The following HOPX variants were observed in gnomAD, a reference collection of about 807,000 sequenced individuals.
HOPX encodes HOP homeobox, also known as homeodomain-only protein.
A neutral mutation model predicts 11.8 loss-of-function variants in HOPX; 5 were observed. That is an observed-to-expected ratio of 0.43 (90% CI 0.22 to 0.89). HOPX has a LOEUF of 0.89. HOPX is among the 40% of genes least tolerant of loss of function. The pLI, the probability that HOPX is intolerant of heterozygous loss-of-function variation, is 0.28. For synonymous variants in HOPX, 49 were observed against 49.7 expected (o/e 0.99, Z 0.06); for missense variants, 119 against 120.0 (o/e 0.99, Z 0.04).
chr4:56,656,200 C>T (rs1416697986), intron 2 of HOPX, 188 bp from the exon 3 acceptor site: 2 of 1,136,244 alleles, frequency 1.8e-6, no homozygotes, highest in Non-Finnish European at 2.2e-6. Context: ...CCACCCGGGC[C>T]TCCCTCCCTG....
At chr4:56,658,000 C>A in intron 1 of HOPX, 101 bp from the exon 2 acceptor site, 1 of 1,116,198 alleles carries the variant, frequency 9.0e-7, no homozygotes. Flanking sequence ...CAATTCTAGC[C>A]AAAGTTGCCC....
intron 3 of HOPX, among the ~76,000 whole-genome samples, chr4:56,654,828 A>G (rs1178085672): frequency 7.9e-5 from 12 of 152,218 alleles, no homozygotes; most frequent in Admixed American, 7.2e-4. Flanking sequence ...GGTATATAAA[A>G]TAGGAAAAAT....
chr4:56,657,670 C>T, intron 2 of HOPX, 105 bp downstream of exon 2: 1 of 716,974 alleles, frequency 1.4e-6, no homozygotes, highest in East Asian at 2.7e-5. Flanking sequence ...CGGTGCTAGG[C>T]AGGAGAGGGT....
chr4:56,654,293 G>C (rs1183656247), intron 3 of HOPX, among the ~76,000 whole-genome samples: 1 of 152,214 alleles, frequency 6.6e-6, no homozygotes, highest in Non-Finnish European at 1.5e-5. Flanking sequence ...CCATTACAAA[G>C]GTCAACGTAA....
intron 3 of HOPX, chr4:56,649,021 A>T (rs887585673): frequency 5.1e-6 from 2 of 394,262 alleles, no homozygotes; most frequent in African/African-American, 4.0e-5. Context: ...TTATCTGATG[A>T]TCTCCCTGTC....
chr4:56,663,041 A>G (rs1372246939), intron 1 of HOPX: 3 of 152,178 alleles, frequency 2.0e-5, no homozygotes, highest in Non-Finnish European at 4.4e-5. Flanking sequence ...ACTTGACATT[A>G]GGCAATAAAG....
At chr4:56,661,916 C>T (rs1718159038) in intron 1 of HOPX, among the ~76,000 whole-genome samples, 1 of 152,114 alleles carries the variant, frequency 6.6e-6, no homozygotes, top group Non-Finnish European at 1.5e-5. Context: ...TTGTCTGTAT[C>T]ATGCTAAAAA....
chr4:56,660,095 A>G (rs1295100815), intron 1 of HOPX, among the ~76,000 whole-genome samples: 2 of 152,220 alleles, frequency 1.3e-5, no homozygotes, highest in African/African-American at 4.8e-5. Context: ...CAAATCATTG[A>G]AAGGAAAACT....
chr4:56,655,049 G>A (rs186236487), intron 3 of HOPX, among the ~76,000 whole-genome samples: 1 of 152,250 alleles, frequency 6.6e-6, no homozygotes, highest in Non-Finnish European at 1.5e-5. Flanking sequence ...AGGCCGTGTT[G>A]CATTCTTTAC....
chr4:56,669,674 A>G (rs1718630146), intron 1 of HOPX, among the ~76,000 whole-genome samples: 2 of 54,870 alleles, frequency 3.6e-5, no homozygotes, highest in South Asian at 9.3e-4. Flanking sequence ...AATAATAATA[A>G]TAATAATAAT....
intron 1 of HOPX, among the ~76,000 whole-genome samples, chr4:56,667,477 G>A (rs1185603977): frequency 6.6e-6 from 1 of 152,036 alleles, no homozygotes; most frequent in Non-Finnish European, 1.5e-5. Flanking sequence ...TGACTCTGTT[G>A]GAGATGTAAT....
Position 56,648,768 on chromosome 4 carries a change from C to T in HOPX, c.228G>A (p.Trp76Ter), listed in dbSNP as rs1254008588. The T allele has an allele frequency of 4.3e-6, 7 of 1,610,066 alleles. No individual in the cohort carries two copies. The East Asian group carries it at 1.3e-4, about 31-fold the overall frequency. ...QKWFKQRLAK[W>*]RRSEGLPSEC... ...CTGAGGGCAGGCCTTCTGAGCGCCG[C>T]CACTTTGCCAGGCGCTGCTTAAACC... is the stretch of plus-strand genomic sequence containing the variant. Residue 76 changes from tryptophan (W) to a stop codon, truncating the protein, a stop_gained, in exon 4 of 4, where the codon TGG (tryptophan) becomes TGA (stop). Coordinates refer to ENST00000420433, the MANE Select transcript of HOPX (RefSeq NM_032495.6). LOFTEE classifies it high-confidence loss of function.
chr4:56,681,618 A>G, upstream of HOPX: 2 of 1,000,152 alleles, frequency 2.0e-6, no homozygotes, highest in Non-Finnish European at 2.4e-6. Flanking sequence ...GGGGAAGAGA[A>G]AAGGGACCCT....
At chr4:56,664,526 C>T (rs1342716891) in intron 1 of HOPX, 1 of 152,092 alleles carries the variant, frequency 6.6e-6, no homozygotes, top group African/African-American at 2.4e-5. Flanking sequence ...AACTTCACTT[C>T]TTCTGGGTTA....
intron 1 of HOPX, among the ~76,000 whole-genome samples, chr4:56,667,232 G>A (rs945123038): frequency 3.9e-5 from 6 of 152,080 alleles, no homozygotes; most frequent in Non-Finnish European, 7.4e-5. Flanking sequence ...AAAAGCATAA[G>A]GTTCTCTTTA....
rs796685500 is a variant in HOPX at position 56,651,873 on chromosome 4, AGTGTGTGTGTGT to A, written c.199-3088_199-3077del. On this transcript the variant is annotated intron_variant, in intron 3 of 3. Coordinates refer to ENST00000420433, the MANE Select transcript of HOPX (RefSeq NM_032495.6). The stretch of plus-strand genomic sequence containing the variant: ...GAGAGAGAGAAAGAGAGAGAGAGAG[AGTGTGTGTGTGT>A]GTGTGTGTGTGTGTGTGTGTGTGTG... Among the ~76,000 whole-genome samples the A allele has an allele frequency of 1.5e-4, 21 of 136,762 alleles. No homozygotes were observed. The South Asian group carries it at 1.9e-3, about 12-fold the overall frequency. The allele number at this position is 136,762 out of a possible 152,430, so 89.7% of individuals were successfully genotyped here.
intron 1 of HOPX, among the ~76,000 whole-genome samples, chr4:56,661,165 T>G (rs182217073): frequency 2.0e-5 from 3 of 152,350 alleles, no homozygotes; most frequent in Non-Finnish European, 4.4e-5. Flanking sequence ...AAAGAACTTT[T>G]TTTTTAGTTT....
intron 2 of HOPX, 35 bp downstream of exon 2, chr4:56,657,739 CA>C (rs1717851757): frequency 2.2e-6 from 2 of 901,632 alleles, no homozygotes; most frequent in East Asian, 5.3e-5. Context: ...ACCTTTGACA[CA>C]CAACTTCAGA....
chr4:56,681,569 C>T (rs973615076), upstream of HOPX: 12 of 1,000,122 alleles, frequency 1.2e-5, no homozygotes, highest in South Asian at 3.8e-4. Flanking sequence ...CAAGCTTCTT[C>T]ACCAAGATAG....
Sources: gnomAD v4.1 joint callset for allele counts (sites outside exome capture counted in the v4.1 genomes callset) on GRCh38, gnomAD v4.1.1 for gene constraint, MANE v1.5 for transcripts, NCBI Gene and HGNC (gene_info 2026-07-23, HGNC 2026-07-21) for gene names.